CSMD1: variants seen among roughly 807,000 people sequenced by gnomAD.
CSMD1 encodes the protein CUB and Sushi multiple domains 1.
A neutral mutation model predicts 417.5 loss-of-function variants in CSMD1; 213 were observed. That is an observed-to-expected ratio of 0.51 (90% confidence interval 0.46 to 0.57). The LOEUF (loss-of-function observed/expected upper bound fraction) is 0.57, where lower values mean the gene tolerates loss of function less well. CSMD1 is among the 20% of genes least tolerant of loss of function. The pLI is 0.00. For missense variants in CSMD1, 6,923 were observed against 4,529.7 expected, an observed-to-expected ratio of 1.53 and a Z score of -15.17; for synonymous variants, 2,862 against 1,736.8, an observed-to-expected ratio of 1.65 and a Z score of -16.11.
intron 7 of CSMD1, among the ~76,000 whole-genome samples, chr8:3,675,766 T>C (rs1043017127): frequency 2.0e-5 from 3 of 152,188 alleles, no homozygotes; most frequent in Admixed American, 6.5e-5. Flanking sequence ...GTGAGAAATA[T>C]ATGTCTGTTG....
At chr8:4,612,227 T>A (rs1801216630) in intron 2 of CSMD1, among the ~76,000 whole-genome samples, 1 of 152,186 alleles carries the variant, frequency 6.6e-6, no homozygotes, top group African/African-American at 2.4e-5. Context: ...ACCTTTGTTT[T>A]CAACACTTCC....
chr8:3,536,393 C>T (rs1476183825), intron 10 of CSMD1, among the ~76,000 whole-genome samples: 4 of 152,206 alleles, frequency 2.6e-5, no homozygotes, highest in African/African-American at 7.2e-5. Flanking sequence ...GATTCTACTA[C>T]GTGCAACTGT....
chr8:2,952,715 C>G (rs907259922), intron 65 of CSMD1, among the ~76,000 whole-genome samples: 1 of 152,112 alleles, frequency 6.6e-6, no homozygotes, highest in African/African-American at 2.4e-5. Flanking sequence ...AATTTATATG[C>G]TCTTCTGAAG....
chr8:4,863,081 A>G (rs1802230386), intron 1 of CSMD1, among the ~76,000 whole-genome samples: 1 of 152,100 alleles, frequency 6.6e-6, no homozygotes, highest in Admixed American at 6.5e-5. Context: ...GAACACTGTT[A>G]TAGTAGCCGG....
rs78955786 is a variant in CSMD1 at position 4,373,318 on chromosome 8, G to C, written c.415+46635C>G. ...AAGGGAACATTAGGTAATAACCAAA[G>C]AAAGTATGCGACATAGGATTTTTAG... On this transcript the variant is annotated intron_variant, in intron 3 of 69. Coordinates refer to ENST00000635120, the MANE Select transcript of CSMD1 (RefSeq NM_033225.6). 3.4e-3 allele frequency among the ~76,000 whole-genome samples: 505 copies of C among 149,402 alleles called. 26 individuals are homozygous for C. In the East Asian group the frequency reaches 0.084, roughly 25 times the overall value.
chr8:4,439,183 C>T (rs1463679768), intron 2 of CSMD1, among the ~76,000 whole-genome samples: 2 of 152,016 alleles, frequency 1.3e-5, no homozygotes, highest in East Asian at 1.9e-4. Context: ...GTAAATGAGC[C>T]ATTTTATTAA....
chr8:3,865,416 C>T (rs1805017978), intron 5 of CSMD1, among the ~76,000 whole-genome samples: 1 of 152,136 alleles, frequency 6.6e-6, no homozygotes, highest in Non-Finnish European at 1.5e-5. Flanking sequence ...ACAGCTCTGC[C>T]TGCAAGCGAG....
chr8:3,470,721 C>T (rs1817042527), intron 11 of CSMD1, among the ~76,000 whole-genome samples: 1 of 152,120 alleles, frequency 6.6e-6, no homozygotes, highest in Non-Finnish European at 1.5e-5. Context: ...AACCACTAAT[C>T]AGTATCCATC....
intron 7 of CSMD1, among the ~76,000 whole-genome samples, chr8:3,619,891 C>A (rs1228768573): frequency 2.0e-5 from 3 of 152,114 alleles, no homozygotes; most frequent in African/African-American, 7.2e-5. Context: ...CACTTGACGT[C>A]AGGAATTCAA....
chr8:4,694,931 G>C (rs1807016869), intron 1 of CSMD1, among the ~76,000 whole-genome samples: 1 of 152,030 alleles, frequency 6.6e-6, no homozygotes, highest in Non-Finnish European at 1.5e-5. Context: ...CTTCTCTAAA[G>C]CACTATGAAC....
At chr8:4,475,052 C>T (rs573084937) in intron 2 of CSMD1, among the ~76,000 whole-genome samples, 3 of 152,054 alleles carry the variant, frequency 2.0e-5, no homozygotes, top group Non-Finnish European at 2.9e-5. Flanking sequence ...GTGTCCTAAC[C>T]TCTGTGTTAT....
At chr8:3,525,522 T>C (rs1797718863) in intron 10 of CSMD1, among the ~76,000 whole-genome samples, 1 of 152,194 alleles carries the variant, frequency 6.6e-6, no homozygotes, top group African/African-American at 2.4e-5. Context: ...ACACTGATTT[T>C]ACTCTGAAAA....
chr8:3,925,826 T>C (rs1809620579), intron 5 of CSMD1, among the ~76,000 whole-genome samples: 1 of 152,066 alleles, frequency 6.6e-6, no homozygotes, highest in Non-Finnish European at 1.5e-5. Flanking sequence ...TAAAACCAAC[T>C]AATACGGGCA....
chr8:4,281,001 G>C (rs979275347), intron 3 of CSMD1, among the ~76,000 whole-genome samples: 9 of 152,246 alleles, frequency 5.9e-5, no homozygotes, highest in African/African-American at 1.7e-4. Flanking sequence ...GTTTTTAAAT[G>C]TATTAAAATT....
chr8:4,673,165 A>C (rs528160809), intron 1 of CSMD1, among the ~76,000 whole-genome samples: 1 of 152,208 alleles, frequency 6.6e-6, no homozygotes, highest in East Asian at 1.9e-4. Flanking sequence ...GATTCTATGG[A>C]AGGAAAAAGA....
intron 5 of CSMD1, among the ~76,000 whole-genome samples, chr8:3,957,552 G>A (rs559068839): frequency 1.3e-5 from 2 of 152,068 alleles, no homozygotes; most frequent in East Asian, 1.9e-4. Context: ...GGCATGGCGG[G>A]GCATACTTGT....
intron 3 of CSMD1, among the ~76,000 whole-genome samples, chr8:4,239,395 C>A (rs1802254746): frequency 2.6e-5 from 4 of 152,160 alleles, no homozygotes; most frequent in South Asian, 2.1e-4. Context: ...TGGTTGGGAT[C>A]TATCTAACTG....
chr8:3,395,123 G>A (rs957588203), intron 17 of CSMD1, among the ~76,000 whole-genome samples: 2 of 152,060 alleles, frequency 1.3e-5, no homozygotes, highest in East Asian at 1.9e-4. Context: ...AACAAAAGGA[G>A]ATTTGAAACC....
intron 1 of CSMD1, among the ~76,000 whole-genome samples, chr8:4,922,119 T>C (rs1390859050): frequency 6.6e-6 from 1 of 152,176 alleles, no homozygotes; most frequent in Non-Finnish European, 1.5e-5. Context: ...TCTGGTGAGA[T>C]TACCCATTGC....
Sources: allele counts gnomAD v4.1 joint callset (sites outside exome capture counted in the v4.1 genomes callset), GRCh38; gene constraint gnomAD v4.1.1; transcripts MANE v1.5; gene names NCBI Gene and HGNC (gene_info 2026-07-23, HGNC 2026-07-21).